KCNAB1: variants seen among roughly 807,000 people sequenced by gnomAD.
KCNAB1 encodes the protein potassium voltage-gated channel subfamily A regulatory beta subunit 1, also known as voltage-gated potassium channel subunit beta-1.
KCNAB1 carries 35 observed loss-of-function variants against 64.6 expected under a neutral mutation model. The ratio of observed to expected loss-of-function variants is 0.54; its 90% CI spans 0.41 to 0.72. The LOEUF is 0.72. Among genes scored for constraint, KCNAB1 ranks in the 30% least tolerant of loss-of-function variants. The pLI is 0.00. For missense variants in KCNAB1, 401 were observed against 512.9 expected, an observed-to-expected ratio of 0.78 and a Z score of 2.11; for synonymous variants, 177 against 183.8, an observed-to-expected ratio of 0.96 and a Z score of 0.30.
intron 3 of KCNAB1, 157 bp from the exon 4 acceptor site, chr3:156,457,296 G>T (rs529207808): frequency 1.9e-5 from 28 of 1,439,526 alleles, no homozygotes; most frequent in Admixed American, 5.3e-5. Flanking sequence ...ATGGATACTG[G>T]CTGAGACTTC....
At chr3:156,448,749 T>C (rs1711775060) in intron 2 of KCNAB1, among the ~76,000 whole-genome samples, 1 of 131,398 alleles carries the variant, frequency 7.6e-6, no homozygotes, top group African/African-American at 4.1e-5. Context: ...AAGATGTTTG[T>C]TTGGTAGGAA....
intron 1 of KCNAB1, among the ~76,000 whole-genome samples, chr3:156,224,015 G>C (rs973499343): frequency 4.6e-5 from 7 of 152,212 alleles, no homozygotes; most frequent in East Asian, 1.9e-4. Flanking sequence ...CAGTTGGTTG[G>C]GGGGGATGTG....
At chr3:156,456,310 A>G (rs1559893294) in intron 3 of KCNAB1, among the ~76,000 whole-genome samples, 1 of 152,260 alleles carries the variant, frequency 6.6e-6, no homozygotes, top group African/African-American at 2.4e-5. Context: ...GTACATATCC[A>G]ATAATATACC....
intron 13 of KCNAB1, among the ~76,000 whole-genome samples, chr3:156,535,090 T>C (rs1312888283): frequency 6.6e-6 from 1 of 152,170 alleles, no homozygotes; most frequent in African/African-American, 2.4e-5. Flanking sequence ...AATAACACAT[T>C]AGCTGTTTGG....
intron 11 of KCNAB1, among the ~76,000 whole-genome samples, chr3:156,517,064 G>A (rs1717610225): frequency 6.6e-6 from 1 of 152,224 alleles, no homozygotes. Context: ...GAGAGAATGT[G>A]TAATAACATT....
At chr3:156,373,005 G>A (rs1726417689) in intron 1 of KCNAB1, among the ~76,000 whole-genome samples, 2 of 152,230 alleles carry the variant, frequency 1.3e-5, no homozygotes, top group South Asian at 4.1e-4. Flanking sequence ...ATGCTTCTGG[G>A]CTAAATGCAT....
chr3:156,534,054 A>G (rs553284148), intron 13 of KCNAB1, among the ~76,000 whole-genome samples: 10 of 152,254 alleles, frequency 6.6e-5, no homozygotes, highest in Non-Finnish European at 1.5e-4. Context: ...GACTGCTACC[A>G]TTGCGGGCTT....
At chr3:156,126,578 G>A (rs1255596738) in intron 1 of KCNAB1, among the ~76,000 whole-genome samples, 2 of 152,174 alleles carry the variant, frequency 1.3e-5, no homozygotes, top group Non-Finnish European at 2.9e-5. Flanking sequence ...TGGGCCTGGT[G>A]ATGAAAAAGC....
At chr3:156,268,147 T>C (rs1718827804) in intron 1 of KCNAB1, among the ~76,000 whole-genome samples, 1 of 152,274 alleles carries the variant, frequency 6.6e-6, no homozygotes, top group Non-Finnish European at 1.5e-5. Context: ...TTTTTCTTCC[T>C]GTGCCTGGTT....
intron 2 of KCNAB1, among the ~76,000 whole-genome samples, chr3:156,433,527 A>G (rs1716373598): frequency 6.6e-6 from 1 of 152,222 alleles, no homozygotes; most frequent in Non-Finnish European, 1.5e-5. Context: ...GGAAGGAGCC[A>G]GGTCAAGGAG....
intron 13 of KCNAB1, among the ~76,000 whole-genome samples, chr3:156,535,458 G>A (rs1272536487): frequency 3.9e-5 from 6 of 151,956 alleles, no homozygotes; most frequent in East Asian, 1.9e-4. Flanking sequence ...ATCCTTTCCC[G>A]GGGCTTCAGT....
chr3:156,285,519 G>A (rs974368767), intron 1 of KCNAB1, among the ~76,000 whole-genome samples: 1 of 55,486 alleles, frequency 1.8e-5, no homozygotes, highest in African/African-American at 1.2e-4. Flanking sequence ...TGGTGGGGGG[G>A]ATGGGGGGGT....
intron 1 of KCNAB1, among the ~76,000 whole-genome samples, chr3:156,269,215 A>G (rs1718892693): frequency 6.6e-6 from 1 of 152,144 alleles, no homozygotes; most frequent in Admixed American, 6.5e-5. Flanking sequence ...TTCCATTGGT[A>G]TATATGTCTG....
At chr3:156,333,112 C>G (rs752744179) in intron 1 of KCNAB1, among the ~76,000 whole-genome samples, 1 of 152,104 alleles carries the variant, frequency 6.6e-6, no homozygotes, top group Admixed American at 6.6e-5. Flanking sequence ...CTCACTCCTT[C>G]GTCCTGTCTT....
At chr3:156,163,958 A>G (rs974175083) in intron 1 of KCNAB1, among the ~76,000 whole-genome samples, 1 of 152,214 alleles carries the variant, frequency 6.6e-6, no homozygotes, top group African/African-American at 2.4e-5. Context: ...CTGTCTTCCA[A>G]CTGAGGAGTT....
intron 1 of KCNAB1, among the ~76,000 whole-genome samples, chr3:156,395,494 G>C (rs562912323): frequency 8.1e-6 from 1 of 123,852 alleles, no homozygotes; most frequent in East Asian, 2.7e-4. Context: ...GCAGTGAGCC[G>C]AGATCCCGCC....
chr3:156,218,810 T>TAAA (rs1491492113), intron 1 of KCNAB1, among the ~76,000 whole-genome samples: 9 of 125,780 alleles, frequency 7.2e-5, no homozygotes, highest in Non-Finnish European at 1.0e-4. Flanking sequence ...AAAATAATAA[T>TAAA]AAAATAAAAT....
chr3:156,190,216 C>A (rs549867575), intron 1 of KCNAB1, among the ~76,000 whole-genome samples: 8 of 152,292 alleles, frequency 5.3e-5, no homozygotes, highest in African/African-American at 1.9e-4. Context: ...CCTGCTCCCC[C>A]AGTGCCCAGG....
At chr3:156,295,233 G>T (rs1440623086) in intron 1 of KCNAB1, among the ~76,000 whole-genome samples, 1 of 152,024 alleles carries the variant, frequency 6.6e-6, no homozygotes, top group Non-Finnish European at 1.5e-5. Flanking sequence ...ATTGCATCTT[G>T]GGGCATGAGT....
Sources: allele counts gnomAD v4.1 joint callset (sites outside exome capture counted in the v4.1 genomes callset), GRCh38; gene constraint gnomAD v4.1.1; transcripts MANE v1.5; gene names NCBI Gene and HGNC (gene_info 2026-07-23, HGNC 2026-07-21).